The following STAM2 variants were observed in gnomAD, a reference collection of about 807,000 sequenced individuals.
STAM2 encodes signal transducing adapter molecule 2.
Under a neutral mutation model 65.6 loss-of-function variants are expected in STAM2, and 51 were observed. The ratio of observed to expected loss-of-function variants is 0.78; its 90% confidence interval spans 0.62 to 0.98. The LOEUF (loss-of-function observed/expected upper bound fraction) is 0.98. STAM2 is among the 50% of genes least tolerant of loss of function. STAM2 has a pLI of 0.00. For missense variants in STAM2, 584 were observed against 617.8 expected (o/e 0.95, Z 0.58); for synonymous variants, 198 against 208.4 (o/e 0.95, Z 0.43).
At chr2:152,141,867 G>T (rs1196903825) in intron 7 of STAM2, among the ~76,000 whole-genome samples, 1 of 152,126 alleles carries the variant, frequency 6.6e-6, no homozygotes, top group Non-Finnish European at 1.5e-5. Context: ...GGGATTACAG[G>T]TGTTAGCCAC....
intron 1 of STAM2, among the ~76,000 whole-genome samples, chr2:152,168,200 G>A (rs543123646): frequency 4.0e-5 from 6 of 151,210 alleles, no homozygotes; most frequent in South Asian, 2.1e-4. Flanking sequence ...TCGCTCTGTC[G>A]TCCGGGCTGG....
intron 1 of STAM2, among the ~76,000 whole-genome samples, chr2:152,163,999 T>C (rs1689731468): frequency 6.6e-6 from 1 of 152,156 alleles, no homozygotes; most frequent in Admixed American, 6.5e-5. Flanking sequence ...TGCCTTGTGA[T>C]CTTTATTGGC....
At position 152,132,161 on chromosome 2, in the gene STAM2, G is replaced by A. The variant is rs772315242; in HGVS notation, c.978C>T (p.Cys326=). The stretch of plus-strand genomic sequence containing the variant: ...CATCTATCATTGGACCCATCTGTTG[G>A]CAGATATCTGTAAATACAAAAATAC... ...SQDLLDLEDI[C]QQMGPMIDEK... Residue 326 remains cysteine, a synonymous_variant, in exon 11 of 14, where the codon TGC becomes TGT. Transcript: ENST00000263904. 3 of 1,608,052 alleles carry A rather than the reference G, an allele frequency of 1.9e-6. No individual in the cohort carries two copies. The highest frequency in any genetic ancestry group is 1.7e-5 in the Admixed American group (1 of 59,420).
chr2:152,158,067 C>T (rs1280480421), intron 1 of STAM2, among the ~76,000 whole-genome samples: 1 of 152,140 alleles, frequency 6.6e-6, no homozygotes, highest in African/African-American at 2.4e-5. Flanking sequence ...CAAGAAAGAA[C>T]TTTAGAGACA....
At chr2:152,151,210 C>T (rs1433314786) in intron 1 of STAM2, among the ~76,000 whole-genome samples, 3 of 140,036 alleles carry the variant, frequency 2.1e-5, no homozygotes, top group African/African-American at 8.1e-5. Context: ...CAGTGTCTTG[C>T]TCTGTTGCCC....
At chr2:152,171,152 G>A (rs543410555) in intron 1 of STAM2, among the ~76,000 whole-genome samples, 7 of 152,076 alleles carry the variant, frequency 4.6e-5, no homozygotes, top group South Asian at 4.1e-4. Context: ...TGTTTAACTC[G>A]GAGAAAGGAG....
rs1209634715 is a variant in STAM2 at position 152,132,169 on chromosome 2, C to G, written c.971-1G>C. ...ATTGGACCCATCTGTTGGCAGATAT[C>G]TGTAAATACAAAAATACTTACAAAT... On this transcript the variant is annotated splice_acceptor_variant, in intron 10 of 13. Coordinates refer to ENST00000263904, the MANE Select transcript of STAM2 (RefSeq NM_005843.6). LOFTEE classifies it high-confidence loss of function. 6.2e-7 allele frequency: 1 copy of G among 1,605,210 alleles called. No homozygotes were observed. Among genetic ancestry groups the G allele is most frequent in the Middle Eastern group, 1.7e-4 (1 of 6,034 alleles).
In STAM2 at chr2:152,143,924, C is replaced by A. The variant is rs760827264; in HGVS notation, c.607G>T (p.Val203Phe). 7 of 1,613,764 alleles carry A rather than the reference C, an allele frequency of 4.3e-6. No individual in the cohort carries two copies. The highest frequency in any genetic ancestry group is 1.1e-5 in the South Asian group (1 of 91,040). The change falls in exon 7 of 14, where the codon GTT (valine) becomes TTT (phenylalanine). Residue 203 changes from valine to phenylalanine, a missense_variant. Coordinates refer to ENST00000263904, the MANE Select transcript of STAM2 (RefSeq NM_005843.6). ...PSSEIQLNNK[V>F]ARKVRALYDF... ...TATAAAGCTCTCACTTTCCGTGCAA[C>A]CTTATTATTTAACTGAATTTCTGAA...
At chr2:152,128,189 C>T (rs796932185) in intron 11 of STAM2, among the ~76,000 whole-genome samples, 47 of 152,238 alleles carry the variant, frequency 3.1e-4, no homozygotes, top group African/African-American at 1.1e-3. Flanking sequence ...AGGCAGATCA[C>T]GAGGTCAGGA....
At chr2:152,120,920 T>G in intron 13 of STAM2, 118 bp from the exon 14 acceptor site, 1 of 694,038 alleles carries the variant, frequency 1.4e-6, no homozygotes, top group East Asian at 2.7e-5. Flanking sequence ...GTAGCTCTGC[T>G]GTTCTGATTA....
At chr2:152,163,759 T>C (rs1381455514) in intron 1 of STAM2, among the ~76,000 whole-genome samples, 1 of 152,186 alleles carries the variant, frequency 6.6e-6, no homozygotes, top group Non-Finnish European at 1.5e-5. Flanking sequence ...AAGAGGTCTA[T>C]AAACGGCCGC....
chr2:152,166,521 G>A (rs1246315080), intron 1 of STAM2, among the ~76,000 whole-genome samples: 3 of 152,044 alleles, frequency 2.0e-5, no homozygotes, highest in African/African-American at 7.2e-5. Context: ...ATAAGCAGGT[G>A]GCCACTTCAG....
intron 7 of STAM2, among the ~76,000 whole-genome samples, chr2:152,135,918 C>T (rs1689145453): frequency 1.3e-5 from 2 of 151,482 alleles, no homozygotes; most frequent in Non-Finnish European, 2.9e-5. Context: ...GGTGAAACCT[C>T]ATCTCTATTA....
chr2:152,141,212 G>A (rs11684002), intron 7 of STAM2, among the ~76,000 whole-genome samples: 23,081 of 150,288 alleles, frequency 0.15, 2,037 homozygotes, highest in Middle Eastern at 0.33. Flanking sequence ...AAAGTAAAAC[G>A]CTTTTCTTGA....
At chr2:152,140,883 C>A (rs1689233316) in intron 7 of STAM2, among the ~76,000 whole-genome samples, 1 of 151,794 alleles carries the variant, frequency 6.6e-6, no homozygotes, top group Non-Finnish European at 1.5e-5. Flanking sequence ...GCCTGTAATC[C>A]CAGCACTGTG....
chr2:152,170,111 ACAGGCATGAGCCAC>A (rs939243786), intron 1 of STAM2, among the ~76,000 whole-genome samples: 8 of 150,488 alleles, frequency 5.3e-5, no homozygotes, highest in African/African-American at 1.7e-4. Context: ...TGCTGGGATT[ACAGGCATGAGCCAC>A]CACACCAGGC....
intron 1 of STAM2, among the ~76,000 whole-genome samples, chr2:152,160,493 C>T (rs1233938423): frequency 6.6e-6 from 1 of 151,408 alleles, no homozygotes; most frequent in Admixed American, 6.6e-5. Flanking sequence ...CTCCGCCCGG[C>T]AGCCGCCCCG....
intron 8 of STAM2, among the ~76,000 whole-genome samples, chr2:152,134,840 C>T (rs373858048): frequency 5.9e-5 from 9 of 152,230 alleles, no homozygotes; most frequent in East Asian, 1.9e-4. Flanking sequence ...AGTACTATTA[C>T]GAGCTGTTCC....
chr2:152,160,824 T>G (rs1460614289), intron 1 of STAM2, among the ~76,000 whole-genome samples: 4 of 85,180 alleles, frequency 4.7e-5, no homozygotes, highest in South Asian at 7.8e-4. Context: ...GGGAAGGTGG[T>G]GGGGGGGTCA....
Sources: allele counts gnomAD v4.1 joint callset (sites outside exome capture counted in the v4.1 genomes callset), GRCh38; gene constraint gnomAD v4.1.1; transcripts MANE v1.5; gene names NCBI Gene and HGNC (gene_info 2026-07-23, HGNC 2026-07-21).